SLC24A2: variants seen among roughly 807,000 people sequenced by gnomAD.
SLC24A2 encodes the protein sodium/potassium/calcium exchanger 2.
Under a neutral mutation model 62.0 loss-of-function variants are expected in SLC24A2, and 36 were observed. That is an observed-to-expected ratio of 0.58 (90% CI 0.44 to 0.77). The LOEUF (loss-of-function observed/expected upper bound fraction) is 0.77, where lower values mean the gene tolerates loss of function less well. Among genes scored for constraint, SLC24A2 ranks in the 30% least tolerant of loss-of-function variants. The pLI, the probability that SLC24A2 is intolerant of heterozygous loss-of-function variation, is 0.00. For synonymous variants in SLC24A2, 358 were observed against 294.0 expected, an observed-to-expected ratio of 1.22 and a Z score of -2.23; for missense variants, 846 against 817.9, an observed-to-expected ratio of 1.03 and a Z score of -0.42.
intron 7 of SLC24A2, among the ~76,000 whole-genome samples, chr9:19,560,624 G>A (rs1197921146): frequency 2.0e-5 from 3 of 152,158 alleles, no homozygotes; most frequent in Admixed American, 2.0e-4. Flanking sequence ...CCCTAGATCT[G>A]TGGCAAAATA....
the SLC24A2 span, among the ~76,000 whole-genome samples, chr9:20,296,605 A>G: frequency 1.3e-5 from 2 of 152,256 alleles, no homozygotes; most frequent in African/African-American, 4.8e-5. Context: ...GCACATCTGC[A>G]TTTGTGAAAG....
At chr9:20,095,585 T>G in the SLC24A2 span, among the ~76,000 whole-genome samples, 45 of 152,172 alleles carry the variant, frequency 3.0e-4, no homozygotes, top group Non-Finnish European at 7.4e-5. Context: ...AGACTCAAAG[T>G]GAAACATTGG....
At chr9:20,224,704 G>C in the SLC24A2 span, among the ~76,000 whole-genome samples, 2 of 151,842 alleles carry the variant, frequency 1.3e-5, no homozygotes, top group African/African-American at 4.8e-5. Flanking sequence ...GAGGGAGGGA[G>C]GGATGGAGGG....
the SLC24A2 span, among the ~76,000 whole-genome samples, chr9:19,968,448 T>C: frequency 6.6e-6 from 1 of 152,206 alleles, no homozygotes; most frequent in African/African-American, 2.4e-5. Flanking sequence ...TTCCATTTTA[T>C]AGATGAGGAA....
At chr9:19,585,743 A>G (rs564951251) in intron 5 of SLC24A2, among the ~76,000 whole-genome samples, 4 of 152,340 alleles carry the variant, frequency 2.6e-5, no homozygotes, top group Non-Finnish European at 4.4e-5. Context: ...CTCCAGTTCC[A>G]TTTAAACATT....
the SLC24A2 span, among the ~76,000 whole-genome samples, chr9:19,832,202 A>G: frequency 5.3e-5 from 8 of 152,242 alleles, no homozygotes; most frequent in Non-Finnish European, 7.3e-5. Context: ...TGGTGAGCAG[A>G]GCATTCCAAC....
the SLC24A2 span, among the ~76,000 whole-genome samples, chr9:20,221,574 G>A: frequency 6.8e-6 from 1 of 147,030 alleles, no homozygotes; most frequent in Non-Finnish European, 1.5e-5. Flanking sequence ...CTAAATGGTA[G>A]TTATCTAAAA....
At chr9:20,022,523 C>T in the SLC24A2 span, among the ~76,000 whole-genome samples, 2 of 152,126 alleles carry the variant, frequency 1.3e-5, no homozygotes, top group African/African-American at 2.4e-5. Flanking sequence ...AGTAAGTGTA[C>T]CCCCTCCCTG....
the SLC24A2 span, among the ~76,000 whole-genome samples, chr9:20,221,505 G>A: frequency 1.3e-5 from 2 of 151,858 alleles, no homozygotes; most frequent in African/African-American, 4.8e-5. Context: ...AGAGGAGAAG[G>A]TATGACATAA....
chr9:20,043,965 G>C, the SLC24A2 span, among the ~76,000 whole-genome samples: 2 of 152,156 alleles, frequency 1.3e-5, no homozygotes, highest in Non-Finnish European at 2.9e-5. Flanking sequence ...AATCAATGCA[G>C]CAAATTTCAT....
At chr9:19,738,399 G>A (rs888518520) in intron 2 of SLC24A2, among the ~76,000 whole-genome samples, 3 of 151,994 alleles carry the variant, frequency 2.0e-5, no homozygotes, top group Admixed American at 6.6e-5. Flanking sequence ...AACAGATCCC[G>A]AGAGAGAGAG....
chr9:19,934,797 G>GGCGTGGCGGGGAGGGCAA, the SLC24A2 span, among the ~76,000 whole-genome samples: 10 of 152,264 alleles, frequency 6.6e-5, no homozygotes, highest in Admixed American at 3.3e-4. The surrounding 1 kb of genome is among the most constrained non-coding windows in gnomAD (Gnocchi z 4.1). Flanking sequence ...AACCGAGCGG[G>GGCGTGGCGGGGAGGGCAA]GCGTGGCGGG....
At chr9:19,933,088 C>G in the SLC24A2 span, among the ~76,000 whole-genome samples, 3 of 152,190 alleles carry the variant, frequency 2.0e-5, no homozygotes, top group Non-Finnish European at 4.4e-5. Flanking sequence ...GAGGCTTGAG[C>G]TCTTTAGGTA....
the SLC24A2 span, among the ~76,000 whole-genome samples, chr9:20,017,575 A>C: frequency 6.6e-6 from 1 of 152,172 alleles, no homozygotes; most frequent in Non-Finnish European, 1.5e-5. Flanking sequence ...GTCCTGCAAC[A>C]GGTAATCTGC....
chr9:20,130,213 A>G, the SLC24A2 span, among the ~76,000 whole-genome samples: 1 of 152,262 alleles, frequency 6.6e-6, no homozygotes, highest in East Asian at 1.9e-4. Context: ...TGTCTTAGAC[A>G]CTGAAGATAC....
At chr9:20,138,221 C>T in the SLC24A2 span, among the ~76,000 whole-genome samples, 1 of 152,122 alleles carries the variant, frequency 6.6e-6, no homozygotes, top group Admixed American at 6.5e-5. Flanking sequence ...TTTAGGATTT[C>T]CCAGGTATCT....
At chr9:20,093,170 C>T in the SLC24A2 span, among the ~76,000 whole-genome samples, 1 of 151,872 alleles carries the variant, frequency 6.6e-6, no homozygotes, top group African/African-American at 2.4e-5. Flanking sequence ...CTCCCAGGTT[C>T]AAAAGATTCT....
At chr9:19,784,417 A>G (rs1823100466) in intron 2 of SLC24A2, among the ~76,000 whole-genome samples, 1 of 152,244 alleles carries the variant, frequency 6.6e-6, no homozygotes, top group Non-Finnish European at 1.5e-5. Context: ...GTGTAAGAAA[A>G]CAAGAAAGTA....
chr9:19,995,556 C>A, the SLC24A2 span, among the ~76,000 whole-genome samples: 1 of 152,182 alleles, frequency 6.6e-6, no homozygotes, highest in African/African-American at 2.4e-5. Context: ...CTCCTACTAG[C>A]AAGGAGAGGT....
Sources: gnomAD v4.1 joint callset for allele counts (sites outside exome capture counted in the v4.1 genomes callset) on GRCh38, gnomAD v4.1.1 for gene constraint, Gnocchi (gnomAD v3.1) non-coding constraint, MANE v1.5 for transcripts, NCBI Gene and HGNC (gene_info 2026-07-23, HGNC 2026-07-21) for gene names.